ZNF385D: variants seen among roughly 807,000 people sequenced by gnomAD.
The protein encoded by ZNF385D is zinc finger protein 659.
Under a neutral mutation model 35.8 loss-of-function variants are expected in ZNF385D, and 15 were observed. The ratio of observed to expected loss-of-function variants is 0.42; its 90% CI spans 0.28 to 0.64. ZNF385D has a LOEUF of 0.64. ZNF385D is among the 30% of genes least tolerant of loss of function. The pLI is 0.23. For missense variants in ZNF385D, 474 were observed against 494.6 expected (o/e 0.96, Z 0.39); for synonymous variants, 212 against 186.8 (o/e 1.13, Z -1.10).
chr3:22,367,335 C>T lies in ZNF385D; in HGVS notation c.106+5115G>A, dbSNP rs1034922151. 7.2e-5 allele frequency among the ~76,000 whole-genome samples: 11 copies of T among 152,096 alleles called. No individual in the cohort carries two copies. In the East Asian group the frequency reaches 1.7e-3, roughly 24 times the overall value. On this transcript the variant is annotated intron_variant, in intron 2 of 5. Coordinates refer to the ZNF385D transcript ENST00000494108. ...AAAAAACAAGGATTCAAATCCAGCC[C>T]GTCTAGTTCTTAAACTCATACTCTT... is the stretch of plus-strand genomic sequence containing the variant.
intron 3 of ZNF385D, among the ~76,000 whole-genome samples, chr3:21,971,973 A>C (rs1294227410): frequency 6.6e-6 from 1 of 152,020 alleles, no homozygotes; most frequent in African/African-American, 2.4e-5. Context: ...ATATTATCAG[A>C]GTTATCAAGA....
At chr3:21,832,434 G>T (rs929941824) in intron 3 of ZNF385D, among the ~76,000 whole-genome samples, 1 of 152,146 alleles carries the variant, frequency 6.6e-6, no homozygotes, top group African/African-American at 2.4e-5. Context: ...TTTATGAGTA[G>T]AAATTCCTTT....
At chr3:21,988,704 G>C (rs1399138223) in intron 3 of ZNF385D, among the ~76,000 whole-genome samples, 1 of 151,652 alleles carries the variant, frequency 6.6e-6, no homozygotes, top group Non-Finnish European at 1.5e-5. Context: ...CACCCAGTTG[G>C]AGCTTCCTGG....
At chr3:21,972,545 T>C (rs920757956) in intron 3 of ZNF385D, among the ~76,000 whole-genome samples, 6 of 151,522 alleles carry the variant, frequency 4.0e-5, no homozygotes, top group African/African-American at 1.5e-4. Flanking sequence ...CAAGAACAAA[T>C]CAAACCACAA....
intron 3 of ZNF385D, among the ~76,000 whole-genome samples, chr3:21,980,195 T>A (rs1218621700): frequency 6.6e-6 from 1 of 152,180 alleles, no homozygotes; most frequent in Non-Finnish European, 1.5e-5. Flanking sequence ...TTTCTTGGCA[T>A]GTGAATGAGC....
At chr3:21,819,979 G>A (rs1035076426) in intron 3 of ZNF385D, among the ~76,000 whole-genome samples, 3 of 150,060 alleles carry the variant, frequency 2.0e-5, no homozygotes, top group African/African-American at 7.3e-5. Flanking sequence ...TTTAACTACA[G>A]GGAGAAATCA....
intron 2 of ZNF385D, among the ~76,000 whole-genome samples, chr3:21,664,652 A>G (rs2066347308): frequency 6.6e-6 from 1 of 152,220 alleles, no homozygotes; most frequent in African/African-American, 2.4e-5. Flanking sequence ...TAGAGGGGAT[A>G]CATCAACTCA....
intron 3 of ZNF385D, among the ~76,000 whole-genome samples, chr3:21,967,638 AG>A (rs1387493128): frequency 6.6e-6 from 1 of 152,212 alleles, no homozygotes; most frequent in African/African-American, 2.4e-5. Flanking sequence ...GATATGACTA[AG>A]CTAGTTAGAG....
intron 1 of ZNF385D, among the ~76,000 whole-genome samples, chr3:21,718,980 T>C (rs2068432158): frequency 6.6e-6 from 1 of 152,228 alleles, no homozygotes; most frequent in South Asian, 2.1e-4. Context: ...CAAAAACTTC[T>C]AAAATTTTAA....
intron 3 of ZNF385D, among the ~76,000 whole-genome samples, chr3:22,073,201 T>A (rs749688046): frequency 6.6e-6 from 1 of 152,000 alleles, no homozygotes; most frequent in Non-Finnish European, 1.5e-5. Flanking sequence ...TGTGTTTAAG[T>A]CCCAAATAAT....
rs59719489 is a variant in ZNF385D, at chr3:21,982,079, GTTTTT to G, written c.325+186733_325+186737del. Among the ~76,000 whole-genome samples the G allele has an allele frequency of 1.7e-4, 23 of 133,252 alleles. 1 individual carries two copies. Among genetic ancestry groups the G allele is most frequent in the African/African-American group, 5.5e-4 (19 of 34,802 alleles). The allele number at this position is 133,252 out of a possible 152,430, so 87.4% of individuals were successfully genotyped here. A position where few individuals can be genotyped will look rare whatever the true frequency, so the allele number is the denominator to read the frequency against. ...TTGGTTCCATTTGAATTTTAAAATA[GTTTTT>G]TTTTTTTTTTTTTAATTCTGTGAAG... On this transcript the variant is annotated intron_variant, in intron 3 of 5. Transcript: ENST00000494108.
Position 21,664,943 on chromosome 3 carries a change from A to T in ZNF385D, c.108T>A (p.Phe36Leu), listed in dbSNP as rs2066358791. The change falls in exon 2 of 8, where the codon TTT becomes TTA. Residue 36 changes from phenylalanine to leucine, a missense_variant. Coordinates refer to ENST00000281523, the MANE Select transcript of ZNF385D (RefSeq NM_024697.3). ...CTGCAGTGTCAAGAGGAAAGGGAAG[A>T]AATGGTTTAATATCCAGCGATGGTT... is the stretch of plus-strand genomic sequence containing the variant. Reference protein sequence around the residue: ...PLQPSLDIKPFLPFPLDTAAA... With the variant: ...PLQPSLDIKPLLPFPLDTAAA... The T allele has an allele frequency of 1.9e-6, 3 of 1,613,780 alleles. No homozygotes were observed. In the South Asian group the frequency reaches 3.3e-5, roughly 18 times the overall value.
intron 2 of ZNF385D, among the ~76,000 whole-genome samples, chr3:22,302,758 C>T (rs1011903606): frequency 5.9e-5 from 9 of 151,892 alleles, no homozygotes; most frequent in African/African-American, 2.2e-4. Context: ...AATATTGTTC[C>T]AATTAGTTTT....
intron 2 of ZNF385D, among the ~76,000 whole-genome samples, chr3:21,595,244 CTT>C (rs1276394901): frequency 6.6e-6 from 1 of 152,056 alleles, no homozygotes; most frequent in Non-Finnish European, 1.5e-5. Context: ...ATAGTGGAGT[CTT>C]TTCACCTTTA....
chr3:21,432,424 C>T (rs1330062795), intron 5 of ZNF385D, among the ~76,000 whole-genome samples: 1 of 152,034 alleles, frequency 6.6e-6, no homozygotes, highest in Non-Finnish European at 1.5e-5. Context: ...ACATATAAGA[C>T]AAAAACTAGA....
chr3:22,272,691 T>C (rs1445320372), intron 2 of ZNF385D, among the ~76,000 whole-genome samples: 1 of 152,068 alleles, frequency 6.6e-6, no homozygotes, highest in Non-Finnish European at 1.5e-5. Flanking sequence ...AGAAAATTTA[T>C]TGCATTAAGG....
chr3:22,079,805 C>T (rs769329074), intron 3 of ZNF385D, among the ~76,000 whole-genome samples: 33 of 151,748 alleles, frequency 2.2e-4, no homozygotes, highest in African/African-American at 7.0e-4. Context: ...CTTGGACATA[C>T]GGGTATTAAA....
intron 2 of ZNF385D, among the ~76,000 whole-genome samples, chr3:21,583,582 C>T (rs1480329381): frequency 6.6e-6 from 1 of 152,054 alleles, no homozygotes; most frequent in Admixed American, 6.6e-5. Context: ...CTCTAAATAA[C>T]ATGCTAATAT....
chr3:22,210,420 C>G (rs376995785), intron 2 of ZNF385D, among the ~76,000 whole-genome samples: 2 of 151,676 alleles, frequency 1.3e-5, no homozygotes, highest in Non-Finnish European at 2.9e-5. Flanking sequence ...TTATTTAACA[C>G]GAATCAGCTT....
Sources: allele counts gnomAD v4.1 joint callset (sites outside exome capture counted in the v4.1 genomes callset), GRCh38; gene constraint gnomAD v4.1.1; transcripts MANE v1.5; gene names NCBI Gene and HGNC (gene_info 2026-07-23, HGNC 2026-07-21).